CSGALNACT1: variants seen among roughly 807,000 people sequenced by gnomAD.
The protein encoded by CSGALNACT1 is beta4GalNAcT-1.
A neutral mutation model predicts 51.0 loss-of-function variants in CSGALNACT1; 52 were observed. That is an observed-to-expected ratio of 1.02 (90% CI 0.82 to 1.29). The LOEUF (loss-of-function observed/expected upper bound fraction) is 1.29. CSGALNACT1 is among the 50% of genes most tolerant of loss of function. The pLI is 0.00. For synonymous variants in CSGALNACT1, 341 were observed against 254.4 expected (o/e 1.34, Z -3.24); for missense variants, 935 against 679.2 (o/e 1.38, Z -4.19).
At chr8:19,429,052 C>G (rs1246953049) in intron 6 of CSGALNACT1, among the ~76,000 whole-genome samples, 1 of 152,130 alleles carries the variant, frequency 6.6e-6, no homozygotes, top group Non-Finnish European at 1.5e-5. Context: ...ACCCAAGAAA[C>G]AGTCAGTTCT....
intron 6 of CSGALNACT1, among the ~76,000 whole-genome samples, chr8:19,421,271 C>T (rs1484740914): frequency 6.6e-6 from 1 of 152,220 alleles, no homozygotes; most frequent in African/African-American, 2.4e-5. Flanking sequence ...TCAGCTATTG[C>T]TGTGATTAGC....
intron 3 of CSGALNACT1, among the ~76,000 whole-genome samples, chr8:19,510,809 A>G (rs1353700599): frequency 6.6e-6 from 1 of 152,256 alleles, no homozygotes; most frequent in African/African-American, 2.4e-5. Context: ...AAGTAGTTAC[A>G]GATACTGTTT....
At chr8:19,694,298 T>A (rs981264700) in intron 1 of CSGALNACT1, among the ~76,000 whole-genome samples, 1 of 152,174 alleles carries the variant, frequency 6.6e-6, no homozygotes, top group Non-Finnish European at 1.5e-5. Context: ...CCCACATAAG[T>A]GTAGTAAGTA....
intron 1 of CSGALNACT1, among the ~76,000 whole-genome samples, chr8:19,676,109 A>AAAAAAAAAT (rs2060171865): frequency 6.7e-6 from 1 of 149,514 alleles, no homozygotes; most frequent in Non-Finnish European, 1.5e-5. Flanking sequence ...AACAAAAAAA[A>AAAAAAAAAT]CTCCCAGATT....
intron 3 of CSGALNACT1, among the ~76,000 whole-genome samples, chr8:19,517,219 C>A (rs1204198397): frequency 6.6e-6 from 1 of 152,132 alleles, no homozygotes; most frequent in Non-Finnish European, 1.5e-5. Context: ...GGGAAGATCA[C>A]CTGAGTTTGG....
chr8:19,439,327 C>T (rs576171750), intron 6 of CSGALNACT1, among the ~76,000 whole-genome samples: 182 of 152,336 alleles, frequency 1.2e-3, no homozygotes, highest in African/African-American at 3.9e-3. Context: ...TTGGCCACCA[C>T]GTCTGGTTTC....
chr8:19,514,550 G>A (rs953959580), intron 3 of CSGALNACT1, among the ~76,000 whole-genome samples: 2 of 137,586 alleles, frequency 1.5e-5, no homozygotes, highest in East Asian at 2.1e-4. Flanking sequence ...GCCAGGCACA[G>A]TGGCTCTCGC....
At chr8:19,655,792 C>T (rs1168897252) in intron 1 of CSGALNACT1, among the ~76,000 whole-genome samples, 5 of 151,970 alleles carry the variant, frequency 3.3e-5, no homozygotes, top group Non-Finnish European at 7.4e-5. Flanking sequence ...CAAAAATATT[C>T]CAACTATCTC....
intron 1 of CSGALNACT1, among the ~76,000 whole-genome samples, chr8:19,652,931 G>C (rs150581495): frequency 6.6e-6 from 1 of 151,828 alleles, no homozygotes; most frequent in African/African-American, 2.4e-5. Context: ...TTCCTTACAC[G>C]CTCTTTCCCT....
intron 9 of CSGALNACT1, among the ~76,000 whole-genome samples, chr8:19,407,331 G>A (rs1419291224): frequency 6.6e-6 from 1 of 152,130 alleles, no homozygotes; most frequent in Non-Finnish European, 1.5e-5. Flanking sequence ...TGGACCTGAG[G>A]GGGAGGTGCC....
At chr8:19,631,133 T>G (rs764262839) in intron 1 of CSGALNACT1, among the ~76,000 whole-genome samples, 3 of 152,220 alleles carry the variant, frequency 2.0e-5, no homozygotes, top group Non-Finnish European at 4.4e-5. Flanking sequence ...TTCCAAATTT[T>G]GGCAATTATG....
At chr8:19,497,921 C>A (rs1290400397) in intron 4 of CSGALNACT1, among the ~76,000 whole-genome samples, 2 of 152,136 alleles carry the variant, frequency 1.3e-5, no homozygotes, top group Admixed American at 1.3e-4. Context: ...CCCCTCCCCG[C>A]TTTGAGTCTT....
intron 3 of CSGALNACT1, among the ~76,000 whole-genome samples, chr8:19,556,782 A>C (rs964146229): frequency 6.6e-6 from 1 of 152,150 alleles, no homozygotes; most frequent in African/African-American, 2.4e-5. Flanking sequence ...AAGCAAATTT[A>C]ATCTCAGAAA....
chr8:19,524,328 C>T (rs945059099), intron 3 of CSGALNACT1, among the ~76,000 whole-genome samples: 2 of 152,100 alleles, frequency 1.3e-5, no homozygotes, highest in African/African-American at 4.8e-5. Context: ...TTTCCATTCC[C>T]ACCATCCCCA....
intron 5 of CSGALNACT1, among the ~76,000 whole-genome samples, chr8:19,445,650 C>G (rs1563434312): frequency 6.6e-6 from 1 of 152,184 alleles, no homozygotes; most frequent in Non-Finnish European, 1.5e-5. Flanking sequence ...CATGTCTGCC[C>G]TTGAGTTCTC....
chr8:19,460,975 C>T (rs1262572232), intron 4 of CSGALNACT1, among the ~76,000 whole-genome samples: 1 of 152,114 alleles, frequency 6.6e-6, no homozygotes, highest in Non-Finnish European at 1.5e-5. Flanking sequence ...ACAGCCCCAC[C>T]TGAAAACCCA....
chr8:19,507,528 G>GAAAAAA (rs35759799), intron 3 of CSGALNACT1, among the ~76,000 whole-genome samples: 3,971 of 74,682 alleles, frequency 0.053, 281 homozygotes, highest in Non-Finnish European at 0.061. Flanking sequence ...ATCTTAGCCA[G>GAAAAAA]AAAAAAAAAA....
intron 8 of CSGALNACT1, among the ~76,000 whole-genome samples, chr8:19,410,069 C>T (rs2055329698): frequency 6.6e-6 from 1 of 152,160 alleles, no homozygotes; most frequent in Non-Finnish European, 1.5e-5. Context: ...GTCTTACTTT[C>T]ACTACAATCT....
intron 1 of CSGALNACT1, among the ~76,000 whole-genome samples, chr8:19,666,968 AAAG>A: frequency 1.6e-4 from 1 of 6,430 alleles, no homozygotes; most frequent in African/African-American, 1.2e-3. Flanking sequence ...AGAAAGAAAG[AAAG>A]AAAGAAAGAA....
Sources: allele counts gnomAD v4.1 joint callset (sites outside exome capture counted in the v4.1 genomes callset), GRCh38; gene constraint gnomAD v4.1.1; transcripts MANE v1.5; gene names NCBI Gene and HGNC (gene_info 2026-07-23, HGNC 2026-07-21).